Variants in RALGAPA1 observed in about 807,000 individuals in gnomAD.
The protein encoded by RALGAPA1 is ral GTPase-activating protein subunit alpha-1.
A neutral mutation model predicts 269.6 loss-of-function variants in RALGAPA1; 52 were observed. The observed-to-expected ratio is 0.19, with a 90% CI of 0.15 to 0.24. The LOEUF (loss-of-function observed/expected upper bound fraction) is 0.24, where lower values mean the gene tolerates loss of function less well. Among genes scored for constraint, RALGAPA1 ranks in the 10% least tolerant of loss-of-function variants. The probability of loss-of-function intolerance (pLI) is 1.00; values close to 1 mark genes in which losing one functional copy is unlikely to be tolerated. For missense variants in RALGAPA1, 1,917 were observed against 3,013.9 expected (o/e 0.64, Z 8.52); for synonymous variants, 817 against 1,008.3 (o/e 0.81, Z 3.60).
intron 41 of RALGAPA1, among the ~76,000 whole-genome samples, chr14:35,545,909 G>C (rs1050285105): frequency 8.5e-5 from 13 of 152,150 alleles, no homozygotes; most frequent in African/African-American, 2.9e-4. Context: ...AGAGGTATTT[G>C]TAAATATGAA....
chr14:35,766,676 T>C lies in RALGAPA1; in HGVS notation c.326-3923A>G, dbSNP rs531796380. On this transcript the variant is annotated intron_variant, in intron 4 of 41. Coordinates refer to ENST00000680220, the MANE Select transcript of RALGAPA1 (RefSeq NM_001346249.2). Reference sequence around the variant, plus strand: ...TAAGAGGAAGAATTCTCTCAGGAAATGTTTTCTTGTTAAAATAAAAATATG... The same window carrying C: ...TAAGAGGAAGAATTCTCTCAGGAAACGTTTTCTTGTTAAAATAAAAATATG... The C allele has an allele frequency of 1.2e-3, 798 of 648,242 alleles. 11 individuals carry two copies. Among genetic ancestry groups the C allele is most frequent in the South Asian group, 0.011 (768 of 71,728 alleles). 40.2% of individuals were successfully genotyped at this position (648,242 alleles called of 1,614,324 possible).
chr14:35,685,233 T>C, intron 19 of RALGAPA1, 88 bp from the exon 20 acceptor site: 1 of 1,180,536 alleles, frequency 8.5e-7, no homozygotes, highest in Non-Finnish European at 1.2e-6. Flanking sequence ...ACCATCACAA[T>C]AAATGCTGAG....
intron 35 of RALGAPA1, among the ~76,000 whole-genome samples, chr14:35,613,283 T>C (rs549887721): frequency 6.6e-6 from 1 of 152,194 alleles, no homozygotes; most frequent in South Asian, 2.1e-4. Context: ...GGTTTCACTA[T>C]GTTGGCCAGG....
chr14:35,804,599 A>G (rs1233222955), intron 1 of RALGAPA1, among the ~76,000 whole-genome samples: 3 of 151,084 alleles, frequency 2.0e-5, no homozygotes, highest in Non-Finnish European at 2.9e-5. Context: ...ATAAATAAAT[A>G]AATAAATAAA....
intron 35 of RALGAPA1, among the ~76,000 whole-genome samples, chr14:35,619,856 A>T (rs1352046445): frequency 1.3e-5 from 2 of 152,214 alleles, no homozygotes; most frequent in Non-Finnish European, 2.9e-5. Flanking sequence ...GCAATAATTA[A>T]TAGCCTACAA....
chr14:35,768,509 G>C (rs2074331155), intron 4 of RALGAPA1, among the ~76,000 whole-genome samples: 1 of 152,016 alleles, frequency 6.6e-6, no homozygotes, highest in Non-Finnish European at 1.5e-5. Flanking sequence ...GGGCAACAAA[G>C]CAAGACCCCG....
intron 13 of RALGAPA1, 144 bp downstream of exon 13, chr14:35,728,218 A>G: frequency 2.5e-6 from 2 of 789,290 alleles, no homozygotes; most frequent in Non-Finnish European, 3.5e-6. Context: ...TATTGCCACT[A>G]TGATTAATTT....
intron 12 of RALGAPA1, among the ~76,000 whole-genome samples, chr14:35,737,662 G>C (rs1338182770): frequency 6.8e-6 from 1 of 146,378 alleles, no homozygotes; most frequent in Non-Finnish European, 1.5e-5. Context: ...GGGAGGCTGA[G>C]GCAGGAGAAT....
Position 35,808,906 on chromosome 14 carries a change from G to A in RALGAPA1, c.-71C>T. 1.3e-6 allele frequency: 2 copies of A among 1,550,936 alleles called. No individual in the cohort carries two copies. The highest frequency in any genetic ancestry group is 2.4e-5 in the South Asian group (2 of 84,108). ...CCGGGTCCCGGCGGCAGAAAGTGGA[G>A]GGAGTGGACGGGGAGGAGACTAGCC... On this transcript the variant is annotated 5_prime_UTR_variant, in exon 1 of 42. Coordinates refer to ENST00000680220, the MANE Select transcript of RALGAPA1 (RefSeq NM_001346249.2).
chr14:35,697,720 T>C (rs1323442973), intron 17 of RALGAPA1, among the ~76,000 whole-genome samples: 1 of 152,028 alleles, frequency 6.6e-6, no homozygotes, highest in Non-Finnish European at 1.5e-5. Context: ...GAATCTTTAA[T>C]CTTTTCCTCT....
intron 28 of RALGAPA1, 38 bp downstream of exon 28, chr14:35,659,100 C>T: frequency 6.7e-7 from 1 of 1,489,130 alleles, no homozygotes; most frequent in Non-Finnish European, 9.1e-7. Flanking sequence ...CTTCCAAACA[C>T]AAAATAGTTA....
intron 16 of RALGAPA1, among the ~76,000 whole-genome samples, chr14:35,716,762 G>C (rs2068865974): frequency 6.6e-6 from 1 of 152,112 alleles, no homozygotes; most frequent in African/African-American, 2.4e-5. Context: ...GAAGAGGCTA[G>C]ACCAGTTGTC....
chr14:35,605,779 T>G lies in RALGAPA1; in HGVS notation c.6930-70A>C, dbSNP rs1384719354. 3.2e-6 allele frequency: 5 copies of G among 1,543,018 alleles called. No homozygotes were observed. In the East Asian group the frequency reaches 9.2e-5, roughly 28 times the overall value. ...CTACTCATTCATCCAACAATTAAGT[T>G]CTATGTACAAAGTATGTAGCAATAA... On this transcript the variant is annotated intron_variant, in intron 35 of 41. Coordinates refer to ENST00000680220, the MANE Select transcript of RALGAPA1 (RefSeq NM_001346249.2).
At chr14:35,718,980 C>A (rs184073280) in intron 16 of RALGAPA1, among the ~76,000 whole-genome samples, 1 of 151,888 alleles carries the variant, frequency 6.6e-6, no homozygotes, top group Admixed American at 6.6e-5. Context: ...GCTGGCACTA[C>A]GGGCATGCGC....
chr14:35,664,814 A>C (rs2063804174), intron 26 of RALGAPA1, 47 bp from the exon 27 acceptor site: 1 of 1,567,886 alleles, frequency 6.4e-7, no homozygotes, highest in Non-Finnish European at 8.7e-7. Flanking sequence ...TGGTGTTATG[A>C]AATTATCAGA....
intron 16 of RALGAPA1, among the ~76,000 whole-genome samples, chr14:35,703,779 A>G (rs889939134): frequency 6.6e-6 from 1 of 152,170 alleles, no homozygotes; most frequent in African/African-American, 2.4e-5. Flanking sequence ...TATGAAAAAT[A>G]TAACATCAAA....
At chr14:35,666,211 C>G (rs1226076529) in intron 26 of RALGAPA1, among the ~76,000 whole-genome samples, 1 of 151,934 alleles carries the variant, frequency 6.6e-6, no homozygotes, top group African/African-American at 2.4e-5. Flanking sequence ...GACTTATAAA[C>G]AACAAGGGTC....
rs1410446212 is a variant in RALGAPA1, at chr14:35,760,727, T to C, written c.547+102A>G. On this transcript the variant is annotated intron_variant, in intron 6 of 41. Coordinates refer to ENST00000680220, the MANE Select transcript of RALGAPA1 (RefSeq NM_001346249.2). ...AAAGCTATGTTTTAAAGCATTGCCT[T>C]GGATTACCCAGTTAATGAATGCACA... The C allele has an allele frequency of 4.8e-5, 37 of 766,654 alleles. No individual in the cohort carries two copies. The East Asian group carries it at 9.4e-4, about 19-fold the overall frequency. The allele number at this position is 766,654 out of a possible 1,614,324, so 47.5% of individuals were successfully genotyped here. A position where few individuals can be genotyped will look rare whatever the true frequency, so the allele number is the denominator to read the frequency against.
intron 39 of RALGAPA1, among the ~76,000 whole-genome samples, chr14:35,557,672 C>T (rs1425123926): frequency 6.6e-6 from 1 of 152,108 alleles, no homozygotes; most frequent in Non-Finnish European, 1.5e-5. Flanking sequence ...TTTTGAAATA[C>T]TGCACTGGTG....
Sources: gnomAD v4.1 joint callset for allele counts (sites outside exome capture counted in the v4.1 genomes callset) on GRCh38, gnomAD v4.1.1 for gene constraint, MANE v1.5 for transcripts, NCBI Gene and HGNC (gene_info 2026-07-23, HGNC 2026-07-21) for gene names.